NAV2: variants seen among roughly 807,000 people sequenced by gnomAD.
The protein encoded by NAV2 is neuron navigator 2.
A neutral mutation model predicts 223.2 loss-of-function variants in NAV2; 54 were observed. That is an observed-to-expected ratio of 0.24 (90% CI 0.19 to 0.30). The LOEUF (loss-of-function observed/expected upper bound fraction) is 0.30, where lower values mean the gene tolerates loss of function less well. Among genes scored for constraint, NAV2 ranks in the 10% least tolerant of loss-of-function variants. NAV2 has a pLI of 1.00. For synonymous variants in NAV2, 1,279 were observed against 1,239.3 expected (o/e 1.03, Z -0.67); for missense variants, 2,806 against 3,147.5 (o/e 0.89, Z 2.60).
At chr11:20,111,698 C>T (rs956423872) in intron 36 of NAV2, among the ~76,000 whole-genome samples, 1 of 152,224 alleles carries the variant, frequency 6.6e-6, no homozygotes, top group Non-Finnish European at 1.5e-5. Context: ...AGTGCAGAGT[C>T]AGTGTGGGGC....
chr11:19,746,124 T>C (rs935782905), intron 1 of NAV2, among the ~76,000 whole-genome samples: 2 of 152,176 alleles, frequency 1.3e-5, no homozygotes, highest in Non-Finnish European at 2.9e-5. Context: ...AATAGAATCA[T>C]AGGGTCAGGT....
chr11:19,970,420 C>T (rs761019928), intron 10 of NAV2, among the ~76,000 whole-genome samples: 29 of 152,222 alleles, frequency 1.9e-4, no homozygotes, highest in Non-Finnish European at 3.7e-4. Flanking sequence ...CCATTTGCCT[C>T]AGCCTCCCAA....
chr11:20,068,038 A>G (rs1462651799), intron 20 of NAV2, 148 bp from the exon 21 acceptor site: 11 of 733,392 alleles, frequency 1.5e-5, no homozygotes, highest in African/African-American at 3.6e-5. Flanking sequence ...ATTTAATTGA[A>G]CCAGTTTTTC....
intron 1 of NAV2, among the ~76,000 whole-genome samples, chr11:19,353,201 G>A (rs1483661846): frequency 6.6e-6 from 1 of 152,186 alleles, no homozygotes; most frequent in Admixed American, 6.5e-5. Context: ...TTCTGTCTGT[G>A]TGTAAGAGAT....
At chr11:20,037,594 A>T (rs560840358) in intron 12 of NAV2, among the ~76,000 whole-genome samples, 4 of 152,240 alleles carry the variant, frequency 2.6e-5, no homozygotes, top group Non-Finnish European at 5.9e-5. Flanking sequence ...CCATATGACT[A>T]GAAAGGGGGC....
intron 37 of NAV2, among the ~76,000 whole-genome samples, chr11:20,115,315 C>T (rs751191222): frequency 2.6e-5 from 4 of 152,036 alleles, no homozygotes; most frequent in African/African-American, 4.8e-5. Context: ...CTTATTTATT[C>T]GGCTGTTGCT....
chr11:19,562,234 A>T (rs1286230524), intron 1 of NAV2, among the ~76,000 whole-genome samples: 1 of 152,202 alleles, frequency 6.6e-6, no homozygotes, highest in Non-Finnish European at 1.5e-5. Flanking sequence ...GTCTCGCAAC[A>T]TCCATATATA....
chr11:19,431,625 G>A (rs1256573399), intron 1 of NAV2, among the ~76,000 whole-genome samples: 1 of 152,122 alleles, frequency 6.6e-6, no homozygotes, highest in East Asian at 1.9e-4. Context: ...GTTCTGATAG[G>A]GCTGTAAGGA....
At chr11:19,926,130 T>A (rs2044727641) in intron 6 of NAV2, among the ~76,000 whole-genome samples, 2 of 152,226 alleles carry the variant, frequency 1.3e-5, no homozygotes, top group South Asian at 4.1e-4. Flanking sequence ...GTCACTGGAA[T>A]TTTGATAAGG....
rs955205819 is a variant in NAV2 at position 19,945,093 on chromosome 11, C to T, written c.2147-1308C>T. On this transcript the variant is annotated intron_variant, in intron 8 of 37. Transcript: ENST00000349880. ...CTTTCCTTTTCTTTTCTCTTTTCTT[C>T]TCTTCTCTTCTTTCTTTTTTTCTCT... Among the ~76,000 whole-genome samples, 15 of 124,466 alleles carry T rather than the reference C, an allele frequency of 1.2e-4. No homozygotes were observed. The South Asian group carries it at 1.7e-3, about 14-fold the overall frequency. 81.7% of individuals were successfully genotyped at this position (124,466 alleles called of 152,430 possible).
intron 1 of NAV2, among the ~76,000 whole-genome samples, chr11:19,633,457 C>A (rs1266755430): frequency 6.6e-6 from 1 of 152,252 alleles, no homozygotes; most frequent in Non-Finnish European, 1.5e-5. Context: ...GCCCAGGAGG[C>A]CTGGTCAGTG....
chr11:19,944,837 T>A (rs943383237), intron 8 of NAV2, among the ~76,000 whole-genome samples: 2 of 149,940 alleles, frequency 1.3e-5, no homozygotes, highest in Non-Finnish European at 3.0e-5. Flanking sequence ...CTTGCTTTCT[T>A]GCCTTCTTGT....
At chr11:19,560,429 C>A (rs1367301657) in intron 1 of NAV2, among the ~76,000 whole-genome samples, 1 of 152,164 alleles carries the variant, frequency 6.6e-6, no homozygotes, top group Admixed American at 6.5e-5. Context: ...ACCTTGGGCA[C>A]TTTAATTGGA....
At chr11:19,443,879 G>T (rs1032748774) in intron 1 of NAV2, among the ~76,000 whole-genome samples, 1 of 152,210 alleles carries the variant, frequency 6.6e-6, no homozygotes. Flanking sequence ...GCCTAGTATA[G>T]ATGCGTAGTG....
intron 1 of NAV2, among the ~76,000 whole-genome samples, chr11:19,379,661 G>A (rs1848767755): frequency 6.6e-6 from 1 of 152,184 alleles, no homozygotes. Context: ...TCCCGGTCCT[G>A]TTGTGGCTCT....
intron 1 of NAV2, among the ~76,000 whole-genome samples, chr11:19,749,616 A>T (rs771181960): frequency 1.6e-4 from 25 of 152,314 alleles, no homozygotes; most frequent in Middle Eastern, 3.4e-3. Context: ...GATTACCGAG[A>T]TGGAAATTCG....
At chr11:19,488,495 A>C (rs2042520907) in intron 1 of NAV2, among the ~76,000 whole-genome samples, 1 of 152,156 alleles carries the variant, frequency 6.6e-6, no homozygotes, top group Non-Finnish European at 1.5e-5. Flanking sequence ...GATAAAGGTG[A>C]GGGAGGGAAA....
chr11:19,679,256 C>A (rs2048808227), intron 1 of NAV2, among the ~76,000 whole-genome samples: 1 of 151,924 alleles, frequency 6.6e-6, no homozygotes, highest in South Asian at 2.1e-4. Context: ...TATGGTGAAA[C>A]CCTATCTCTA....
intron 1 of NAV2, among the ~76,000 whole-genome samples, chr11:19,795,144 G>A (rs1305705936): frequency 2.6e-5 from 4 of 152,120 alleles, no homozygotes; most frequent in Non-Finnish European, 5.9e-5. Flanking sequence ...CAGTTTTCCT[G>A]TAAGACCAAA....
Sources: allele counts gnomAD v4.1 joint callset (sites outside exome capture counted in the v4.1 genomes callset), GRCh38; gene constraint gnomAD v4.1.1; transcripts MANE v1.5; gene names NCBI Gene and HGNC (gene_info 2026-07-23, HGNC 2026-07-21).